GUCY1A2: variants seen among roughly 807,000 people sequenced by gnomAD.
GUCY1A2 encodes the protein guanylate cyclase 1 soluble subunit alpha 2, also known as guanylate cyclase soluble subunit alpha-2.
A neutral mutation model predicts 63.5 loss-of-function variants in GUCY1A2; 27 were observed. That is an observed-to-expected ratio of 0.43 (90% CI 0.31 to 0.59). The LOEUF is 0.59. Ranked by LOEUF, GUCY1A2 falls within the 20% of genes least tolerant of loss-of-function variation. The pLI is 0.11. For synonymous variants in GUCY1A2, 364 were observed against 343.5 expected, an observed-to-expected ratio of 1.06 and a Z score of -0.66; for missense variants, 768 against 913.3, an observed-to-expected ratio of 0.84 and a Z score of 2.05.
chr11:106,710,972 A>T (rs1210751619), intron 6 of GUCY1A2, among the ~76,000 whole-genome samples: 1 of 152,132 alleles, frequency 6.6e-6, no homozygotes, highest in Non-Finnish European at 1.5e-5. Flanking sequence ...AACTCATAAA[A>T]AGATAGGTTG....
At chr11:106,879,177 T>C (rs1363217817) in intron 4 of GUCY1A2, among the ~76,000 whole-genome samples, 2 of 152,112 alleles carry the variant, frequency 1.3e-5, no homozygotes, top group Non-Finnish European at 2.9e-5. Context: ...TCATCAGAGC[T>C]AATGCTTCAC....
intron 6 of GUCY1A2, among the ~76,000 whole-genome samples, chr11:106,760,358 G>A (rs1864044542): frequency 6.6e-6 from 1 of 152,160 alleles, no homozygotes; most frequent in Admixed American, 6.6e-5. Flanking sequence ...TTGAGATTAT[G>A]TAGTTGGAAC....
chr11:106,743,664 T>G (rs1235792344), intron 6 of GUCY1A2, among the ~76,000 whole-genome samples: 1 of 152,210 alleles, frequency 6.6e-6, no homozygotes, highest in Non-Finnish European at 1.5e-5. Flanking sequence ...TTTATTTTTC[T>G]GTATTTTAAT....
In GUCY1A2 at chr11:106,945,005, A is replaced by T. The variant is rs569410882; in HGVS notation, c.488-4827T>A. 2.0e-5 allele frequency among the ~76,000 whole-genome samples: 3 copies of T among 152,304 alleles called. 1 individual carries two copies. The highest frequency in any genetic ancestry group is 7.2e-5 in the African/African-American group (3 of 41,572). The stretch of plus-strand genomic sequence containing the variant: ...GAAAAAAGAAACCAATGGAAGAAGG[A>T]CTATAACTAAATGAATTACAGAGAG... On this transcript the variant is annotated intron_variant, in intron 3 of 7. Coordinates refer to ENST00000526355, the MANE Select transcript of GUCY1A2 (RefSeq NM_000855.3).
intron 3 of GUCY1A2, among the ~76,000 whole-genome samples, chr11:106,968,646 T>G (rs1173343670): frequency 6.6e-6 from 1 of 151,904 alleles, no homozygotes; most frequent in African/African-American, 2.4e-5. Context: ...ATTCCATCAA[T>G]GAGTCATGTC....
chr11:106,726,943 C>T (rs1490084464), intron 6 of GUCY1A2, among the ~76,000 whole-genome samples: 1 of 151,982 alleles, frequency 6.6e-6, no homozygotes, highest in Non-Finnish European at 1.5e-5. Flanking sequence ...GCATGGGAAA[C>T]AAAAAGAGCT....
intron 4 of GUCY1A2, among the ~76,000 whole-genome samples, chr11:106,907,746 T>C (rs1040444888): frequency 2.6e-5 from 4 of 152,160 alleles, no homozygotes; most frequent in Non-Finnish European, 4.4e-5. Flanking sequence ...CATCATTTTT[T>C]ATGGCTGCAT....
At chr11:106,705,862 A>AAAAAG (rs1862900653) in intron 7 of GUCY1A2, among the ~76,000 whole-genome samples, 2 of 152,154 alleles carry the variant, frequency 1.3e-5, no homozygotes, top group South Asian at 4.1e-4. Context: ...TCGTCTCAAA[A>AAAAAG]AAAAGAAGGA....
At chr11:106,827,939 A>AGG in intron 4 of GUCY1A2, 1 of 1,136,080 alleles carries the variant, frequency 8.8e-7, no homozygotes, top group Non-Finnish European at 1.3e-6. Context: ...GAACAGCGAG[A>AGG]CTCTGGACTC....
chr11:106,730,004 G>T (rs1161870528), intron 6 of GUCY1A2, among the ~76,000 whole-genome samples: 1 of 143,828 alleles, frequency 7.0e-6, no homozygotes, highest in East Asian at 2.0e-4. Flanking sequence ...ATTCTCAAGT[G>T]ATAAGCAAAA....
At chr11:106,839,992 AAGACTT>A (rs1355771605) in intron 4 of GUCY1A2, among the ~76,000 whole-genome samples, 1 of 152,014 alleles carries the variant, frequency 6.6e-6, no homozygotes, top group Admixed American at 6.6e-5. Flanking sequence ...CATGTACCCT[AAGACTT>A]AAAGTATTAT....
chr11:106,770,428 G>A (rs1864236606), intron 6 of GUCY1A2, among the ~76,000 whole-genome samples: 1 of 152,100 alleles, frequency 6.6e-6, no homozygotes. Flanking sequence ...CATGGATATG[G>A]AGTGCCAACT....
chr11:106,886,849 A>G (rs1859907431), intron 4 of GUCY1A2, among the ~76,000 whole-genome samples: 1 of 152,024 alleles, frequency 6.6e-6, no homozygotes, highest in Admixed American at 6.6e-5. Context: ...GAGTCCTCCA[A>G]TGGCTTTCTA....
intron 1 of GUCY1A2, among the ~76,000 whole-genome samples, chr11:107,006,336 T>C (rs568084905): frequency 1.2e-4 from 19 of 152,352 alleles, no homozygotes; most frequent in African/African-American, 4.3e-4. Context: ...ATTAGTGAGA[T>C]AGATGTGATT....
chr11:106,930,500 C>T (rs111566638), intron 4 of GUCY1A2, among the ~76,000 whole-genome samples: 8 of 152,150 alleles, frequency 5.3e-5, no homozygotes, highest in Non-Finnish European at 1.2e-4. Flanking sequence ...TGTGCTTGCT[C>T]AAGGATGATG....
chr11:106,886,859 A>G (rs1451246855), intron 4 of GUCY1A2, among the ~76,000 whole-genome samples: 1 of 152,062 alleles, frequency 6.6e-6, no homozygotes, highest in African/African-American at 2.4e-5. Context: ...ATGGCTTTCT[A>G]TTTCCTTCAG....
rs367907165 is a variant in GUCY1A2 at position 106,786,280 on chromosome 11, T to A, written c.1693-9698A>T. On this transcript the variant is annotated intron_variant, in intron 5 of 7. Coordinates refer to ENST00000526355, the MANE Select transcript of GUCY1A2 (RefSeq NM_000855.3). ...TCTTCATTCTTTCTTTAAAAAAAAA[T>A]TTTTGTCTAATTACACTCATTTTGG... 3.9e-3 allele frequency among the ~76,000 whole-genome samples: 587 copies of A among 152,130 alleles called. 1 individual carries two copies. The highest frequency in any genetic ancestry group is 6.0e-3 in the Non-Finnish European group (407 of 67,968).
intron 4 of GUCY1A2, among the ~76,000 whole-genome samples, chr11:106,819,212 C>A (rs1858869319): frequency 6.6e-6 from 1 of 152,076 alleles, no homozygotes; most frequent in African/African-American, 2.4e-5. Flanking sequence ...TGAGAAGCAA[C>A]CTACTCCTGC....
intron 1 of GUCY1A2, among the ~76,000 whole-genome samples, chr11:107,005,188 C>T (rs1350038327): frequency 1.3e-5 from 2 of 152,270 alleles, no homozygotes; most frequent in East Asian, 1.9e-4. Context: ...TAGAAAAGGT[C>T]AGCATAGAAT....
Sources: gnomAD v4.1 joint callset for allele counts (sites outside exome capture counted in the v4.1 genomes callset) on GRCh38, gnomAD v4.1.1 for gene constraint, MANE v1.5 for transcripts, NCBI Gene and HGNC (gene_info 2026-07-23, HGNC 2026-07-21) for gene names.